The following SAMM50 variants were observed in gnomAD, a reference collection of about 807,000 sequenced individuals.
SAMM50 encodes the protein sorting and assembly machinery component 50 homolog.
A neutral mutation model predicts 66.9 loss-of-function variants in SAMM50; 47 were observed. The observed-to-expected ratio is 0.70, with a 90% confidence interval of 0.56 to 0.90. The LOEUF (loss-of-function observed/expected upper bound fraction) is 0.90. Ranked by LOEUF, SAMM50 falls within the 40% of genes least tolerant of loss-of-function variation. The pLI is 0.00. For missense variants in SAMM50, 535 were observed against 595.3 expected (o/e 0.90, Z 1.05); for synonymous variants, 191 against 214.1 (o/e 0.89, Z 0.94).
At position 43,976,764 on chromosome 22, in the gene SAMM50, C is replaced by T. The variant is rs532272801; in HGVS notation, c.792C>T (p.Ile264=). 3.3e-5 allele frequency: 53 copies of T among 1,611,894 alleles called. No homozygotes were observed. The highest frequency in any genetic ancestry group is 3.2e-4 in the Admixed American group (19 of 59,828). ...LKSSLSHAMV[I]DSRNSSILPR... ...ATTTCTTTCAGCACGCCATGGTCATCGATTCTCGGAATTCTTCCATCTTAC... is the reference window on the plus strand; with the variant it reads ...ATTTCTTTCAGCACGCCATGGTCATTGATTCTCGGAATTCTTCCATCTTAC... The change falls in exon 9 of 15, where the codon ATC becomes ATT. Residue 264 remains isoleucine, a synonymous_variant. Transcript: ENST00000350028.
chr22:43,958,476 C>CTTTTT (rs3083316), intron 1 of SAMM50, among the ~76,000 whole-genome samples: 11,393 of 112,102 alleles, frequency 0.1, 694 homozygotes, highest in South Asian at 0.16. Context: ...TTATGGAGCT[C>CTTTTT]TTTTTTTTTT....
At chr22:43,987,898 G>GTATATATATATATA (rs34664449) in intron 12 of SAMM50, 108 of 149,192 alleles carry the variant, frequency 7.2e-4, no homozygotes, top group African/African-American at 2.6e-3. Flanking sequence ...TGGAAACTGT[G>GTATATATATATATA]TATATATATA....
rs896579758 is a variant in SAMM50, at chr22:43,991,889, C to T, written c.1364+1483C>T. On this transcript the variant is annotated intron_variant, in intron 14 of 14. Transcript: ENST00000350028. Reference sequence around the variant, plus strand: ...CACGAGGGCCCCATCTTCGTTACCTCGTCTGCACCTCAGCACCTCCCAAAG... The same window carrying T: ...CACGAGGGCCCCATCTTCGTTACCTTGTCTGCACCTCAGCACCTCCCAAAG... Among the ~76,000 whole-genome samples, 22 of 152,230 alleles carry T rather than the reference C, an allele frequency of 1.4e-4. 1 individual carries two copies. Among genetic ancestry groups the T allele is most frequent in the African/African-American group, 5.1e-4 (21 of 41,466 alleles).
intron 14 of SAMM50, among the ~76,000 whole-genome samples, chr22:43,991,268 G>A (rs1424336992): frequency 2.7e-5 from 4 of 147,708 alleles, no homozygotes; most frequent in Admixed American, 2.0e-4. Context: ...GAGCCACCAC[G>A]CCCGGCATTT....
chr22:43,975,769 C>G, intron 7 of SAMM50: 1 of 318,194 alleles, frequency 3.1e-6, no homozygotes. Flanking sequence ...ATAGAGCTGC[C>G]TGCAGCCCTC....
intron 14 of SAMM50, among the ~76,000 whole-genome samples, chr22:43,995,884 A>C (rs912617768): frequency 1.3e-5 from 2 of 152,118 alleles, no homozygotes; most frequent in African/African-American, 4.8e-5. Flanking sequence ...AAACCCCTGT[A>C]GGGCTGTGGG....
At chr22:43,991,042 T>C (rs1159835652) in intron 14 of SAMM50, among the ~76,000 whole-genome samples, 1 of 151,760 alleles carries the variant, frequency 6.6e-6, no homozygotes, top group African/African-American at 2.4e-5. Context: ...AATAGCACGA[T>C]CTTGGCTCAC....
At chr22:43,975,960 G>A in intron 7 of SAMM50, 95 bp from the exon 8 acceptor site, 1 of 1,275,936 alleles carries the variant, frequency 7.8e-7, no homozygotes, top group Non-Finnish European at 1.1e-6. Flanking sequence ...TAGATATTTA[G>A]TTCATTGTTT....
At position 43,978,432 on chromosome 22, in the gene SAMM50, C is replaced by CAAA. The variant is rs71313377; in HGVS notation, c.936+493_936+495dup. 2.9e-4 allele frequency among the ~76,000 whole-genome samples: 20 copies of CAAA among 69,122 alleles called. 1 individual carries two copies. The highest frequency in any genetic ancestry group is 1.1e-3 in the East Asian group (2 of 1,844). The allele number at this position is 69,122 out of a possible 152,430, so 45.3% of individuals were successfully genotyped here. On this transcript the variant is annotated intron_variant, in intron 10 of 14. Coordinates refer to ENST00000350028, the MANE Select transcript of SAMM50 (RefSeq NM_015380.5). Reference sequence around the variant, plus strand: ...CCTGGGTGACAGAGAGACTCCTTCTCAAAAAAAAAAAAAAAAAAAAAGTAA... The same window carrying CAAA: ...CCTGGGTGACAGAGAGACTCCTTCTCAAAAAAAAAAAAAAAAAAAAAAAAGTAA...
chr22:43,967,739 T>TC (rs58668696), intron 3 of SAMM50, among the ~76,000 whole-genome samples: 90,757 of 152,030 alleles, frequency 0.6, 27,788 homozygotes, highest in East Asian at 0.83. Flanking sequence ...TGACTCCCTT[T>TC]CACCTGCAGG....
chr22:43,979,670 A>G (rs528748373), intron 10 of SAMM50, among the ~76,000 whole-genome samples: 1 of 150,532 alleles, frequency 6.6e-6, no homozygotes, highest in East Asian at 2.0e-4. Context: ...CCTTCTCCAC[A>G]CTGCAGATGT....
At chr22:43,962,151 G>A (rs1401735668) in intron 1 of SAMM50, among the ~76,000 whole-genome samples, 3 of 152,142 alleles carry the variant, frequency 2.0e-5, no homozygotes, top group Non-Finnish European at 2.9e-5. Context: ...TACTTTAAAC[G>A]TGCTCACGAC....
At chr22:43,990,925 G>A (rs2050321142) in intron 14 of SAMM50, among the ~76,000 whole-genome samples, 1 of 152,116 alleles carries the variant, frequency 6.6e-6, no homozygotes, top group Non-Finnish European at 1.5e-5. Context: ...ATATGGTATA[G>A]GGCTAGTTAC....
At chr22:43,977,422 C>T (rs1190763350) in intron 9 of SAMM50, among the ~76,000 whole-genome samples, 1 of 152,228 alleles carries the variant, frequency 6.6e-6, no homozygotes, top group African/African-American at 2.4e-5. Flanking sequence ...GCTACCCTCG[C>T]TCTGGCCGGT....
chr22:43,977,847 T>C, intron 9 of SAMM50, 25 bp from the exon 10 acceptor site: 1 of 1,553,526 alleles, frequency 6.4e-7, no homozygotes, highest in Non-Finnish European at 8.9e-7. Flanking sequence ...TTGCTCCCTT[T>C]GACCTGAGTG....
At chr22:43,955,698 G>A (rs1303379372) in intron 1 of SAMM50, 100 bp downstream of exon 1, 2 of 1,322,074 alleles carry the variant, frequency 1.5e-6, no homozygotes, top group South Asian at 1.3e-5. Flanking sequence ...AGGGTTCACC[G>A]GGAGAGAGGG....
chr22:43,983,996 C>T lies in SAMM50; in HGVS notation c.1071C>T (p.Ser357=), dbSNP rs1247105714. ...GFSMHSIGPQ[S]EGDYLGGEAY... ...GCATGCACAGCATCGGGCCACAGAG[C>T]GAAGGTCTGTCCTTTCCCCTCACGG... Residue 357 remains serine (S), a synonymous_variant, in exon 12 of 15, where the codon AGC becomes AGT. Transcript: ENST00000350028. The surrounding 1 kb of genome is among the most constrained non-coding windows in gnomAD (Gnocchi z 4.2). The T allele has an allele frequency of 4.3e-6, 7 of 1,610,992 alleles. No individual in the cohort carries two copies. Among genetic ancestry groups the T allele is most frequent in the Non-Finnish European group, 5.9e-6 (7 of 1,178,790 alleles).
chr22:43,992,198 T>G (rs2050328427), intron 14 of SAMM50, among the ~76,000 whole-genome samples: 1 of 152,236 alleles, frequency 6.6e-6, no homozygotes, highest in African/African-American at 2.4e-5. Flanking sequence ...GTCTTCCGCA[T>G]CAGCATGTAG....
intron 1 of SAMM50, among the ~76,000 whole-genome samples, chr22:43,957,715 C>T (rs554004568): frequency 7.9e-5 from 12 of 152,076 alleles, no homozygotes; most frequent in Non-Finnish European, 1.5e-4. Context: ...TGAGCCACTG[C>T]GCCCAGCCAA....
Sources: gnomAD v4.1 joint callset for allele counts (sites outside exome capture counted in the v4.1 genomes callset) on GRCh38, gnomAD v4.1.1 for gene constraint, Gnocchi (gnomAD v3.1) non-coding constraint, MANE v1.5 for transcripts, NCBI Gene and HGNC (gene_info 2026-07-23, HGNC 2026-07-21) for gene names.